The following RHBDD2 variants were observed in gnomAD, a reference collection of about 807,000 sequenced individuals.
RHBDD2 encodes the protein rhomboid domain-containing protein 2.
RHBDD2 carries 13 observed loss-of-function variants against 21.7 expected under a neutral mutation model. The ratio of observed to expected loss-of-function variants is 0.60; its 90% CI spans 0.39 to 0.95. The LOEUF is 0.95. RHBDD2 is among the 40% of genes least tolerant of loss of function. The pLI is 0.00. For missense variants in RHBDD2, 473 were observed against 478.9 expected, an observed-to-expected ratio of 0.99 and a Z score of 0.11; for synonymous variants, 225 against 220.0, an observed-to-expected ratio of 1.02 and a Z score of -0.20.
intron 1 of RHBDD2, 194 bp from the exon 2 acceptor site, chr7:75,881,634 TA>T: frequency 1.0e-6 from 1 of 999,122 alleles, no homozygotes; most frequent in South Asian, 1.7e-5. Context: ...AGGGATTAGA[TA>T]TTCATGCCTC....
intron 1 of RHBDD2, among the ~76,000 whole-genome samples, chr7:75,880,947 G>A (rs1376582566): frequency 6.6e-6 from 1 of 151,962 alleles, no homozygotes; most frequent in Non-Finnish European, 1.5e-5. Flanking sequence ...GGCTGGTCTT[G>A]AACTCCTGGG....
intron 3 of RHBDD2, among the ~76,000 whole-genome samples, chr7:75,884,980 G>A (rs1339777111): frequency 6.6e-6 from 1 of 151,956 alleles, no homozygotes; most frequent in Non-Finnish European, 1.5e-5. Context: ...CAAGCGTGGT[G>A]GTGGTTGCCT....
chr7:75,888,855 C>G lies in RHBDD2; in HGVS notation c.*506C>G, dbSNP rs3735509. On this transcript the variant is annotated 3_prime_UTR_variant, in exon 4 of 4. Transcript: ENST00000006777. ...TCCCCAGAAGCGGTGGGATGGGCCC[C>G]CATGAACTGCAGCAGCATGCTGAGG... The G allele has an allele frequency of 8.2e-4, 135 of 165,096 alleles. No individual in the cohort carries two copies. The East Asian group carries it at 0.017, about 21-fold the overall frequency. 10.2% of individuals were successfully genotyped at this position (165,096 alleles called of 1,614,324 possible). A position where few individuals can be genotyped will look rare whatever the true frequency, so the allele number is the denominator to read the frequency against.
At chr7:75,887,477 C>T (rs1042954707) in intron 3 of RHBDD2, among the ~76,000 whole-genome samples, 3 of 151,796 alleles carry the variant, frequency 2.0e-5, no homozygotes, top group African/African-American at 4.8e-5. Flanking sequence ...GCCACCACAC[C>T]TGGCTAATTT....
Position 75,883,756 on chromosome 7 carries a change from T to G in RHBDD2, c.645T>G (p.Asp215Glu), listed in dbSNP as rs1554543080. ...DLSERVALKL[D>E]QTFPFSLMRR... ...CAGAGCGAGTGGCACTGAAGCTCGA[T>G]CAGACCTTCCCCTTCAGCCTGATGA... The change falls in exon 3 of 4, where the codon GAT becomes GAG. Residue 215 changes from aspartate to glutamate, a missense_variant. Asp to Glu is a conservative substitution (Grantham distance 45). Transcript: ENST00000006777. 1 of 1,613,668 alleles carries G rather than the reference T, an allele frequency of 6.2e-7. No individual in the cohort carries two copies. Among genetic ancestry groups the G allele is most frequent in the Non-Finnish European group, 8.5e-7 (1 of 1,179,676 alleles).
At chr7:75,887,949 C>A in intron 3 of RHBDD2, 43 bp from the exon 4 acceptor site, 1 of 1,548,930 alleles carries the variant, frequency 6.5e-7, no homozygotes, top group Non-Finnish European at 8.9e-7. Flanking sequence ...ATGACCTTGC[C>A]AAGACTCGCT....
intron 1 of RHBDD2, 75 bp downstream of exon 1, chr7:75,879,335 C>T (rs1258579119): frequency 8.0e-5 from 106 of 1,321,872 alleles, no homozygotes; most frequent in Non-Finnish European, 2.6e-5. Context: ...CTCTAGCCTC[C>T]GGGACTCGCC....
Position 75,887,733 on chromosome 7 carries a change from C to T in RHBDD2, c.738-259C>T, listed in dbSNP as rs542984032. Among the ~76,000 whole-genome samples, 167 of 152,146 alleles carry T rather than the reference C, an allele frequency of 1.1e-3. 1 individual carries two copies. The highest frequency in any genetic ancestry group is 3.9e-3 in the African/African-American group (162 of 41,516). ...TTAGAAGCTGCTGTGAGCAGGTCAC[C>T]CCTCCGGTGGTCTCAGTGGCAGGTC... On this transcript the variant is annotated intron_variant, in intron 3 of 3. Coordinates refer to ENST00000006777, the MANE Select transcript of RHBDD2 (RefSeq NM_001040456.3).
In RHBDD2 at chr7:75,887,974, T is replaced by A; in HGVS notation, c.738-18T>A. ...CAAGACTCGCTGAAGGACCATTTTC[T>A]CTCTTGTTCCATTCCAGACTGAACC... On this transcript the variant is annotated intron_variant, in intron 3 of 3. Transcript: ENST00000006777. 1 of 1,594,042 alleles carries A rather than the reference T, an allele frequency of 6.3e-7. No individual in the cohort carries two copies. Among genetic ancestry groups the A allele is most frequent in the Non-Finnish European group, 8.6e-7 (1 of 1,165,086 alleles).
In RHBDD2 at chr7:75,881,837, C is replaced by CTGG. The variant is rs1805340992; in HGVS notation, c.189_191dup (p.Val64dup). ...CCCGACTCCCTCTGCAGTTTACAGG[C>CTGG]TGGTAACCTACATCTTTGTCTACGA... is the stretch of plus-strand genomic sequence containing the variant. On this transcript the variant is annotated inframe_insertion, in exon 2 of 4. Transcript: ENST00000006777. 1 of 1,601,932 alleles carries CTGG rather than the reference C, an allele frequency of 6.2e-7. No homozygotes were observed. Among genetic ancestry groups the CTGG allele is most frequent in the South Asian group, 1.1e-5 (1 of 89,098 alleles).
rs202239956 is a variant in RHBDD2 at position 75,881,981 on chromosome 7, G to C, written c.331G>C (p.Ala111Pro). The change falls in exon 2 of 4, where the codon GCT (alanine) becomes CCT (proline). Residue 111 changes from alanine (A) to proline (P), a missense_variant. Physicochemically the swap from Ala to Pro is conservative, Grantham distance 27 (BLOSUM62 -1). Transcript: ENST00000006777. ...CACCGTGATCTTCGCCATCTTCTCC[G>C]CTATCATCTTCCTGTCATTCGAGGC... ...FFTVIFAIFS[A>P]IIFLSFEAVS... The C allele has an allele frequency of 1.2e-6, 2 of 1,614,216 alleles. No individual in the cohort carries two copies. The highest frequency in any genetic ancestry group is 2.2e-5 in the South Asian group (2 of 91,086).
At chr7:75,885,447 G>A (rs563925002) in intron 3 of RHBDD2, among the ~76,000 whole-genome samples, 26 of 152,158 alleles carry the variant, frequency 1.7e-4, no homozygotes, top group African/African-American at 4.8e-4. Context: ...TGAGTTCTCC[G>A]CTGGTTTCTG....
intron 3 of RHBDD2, among the ~76,000 whole-genome samples, chr7:75,884,504 C>T (rs1421595241): frequency 6.6e-6 from 1 of 152,200 alleles, no homozygotes; most frequent in African/African-American, 2.4e-5. Context: ...AGGTGTGAGC[C>T]ACTGAGCCTG....
rs113612856 is a variant in RHBDD2 at position 75,885,118 on chromosome 7, GAA to G, written c.737+1286_737+1287del. Among the ~76,000 whole-genome samples, 404 of 99,582 alleles carry G rather than the reference GAA, an allele frequency of 4.1e-3. 2 individuals are homozygous for G. Among genetic ancestry groups the G allele is most frequent in the African/African-American group, 0.011 (343 of 29,880 alleles). 65.3% of individuals were successfully genotyped at this position (99,582 alleles called of 152,430 possible). On this transcript the variant is annotated intron_variant, in intron 3 of 3. Transcript: ENST00000006777. ...GACAGAGCAAGACACTGTCTCCCAA[GAA>G]AAAAAAAAAAAAAAAGGTGCAGACA...
At position 75,881,997 on chromosome 7, in the gene RHBDD2, C is replaced by T. The variant is rs1554542654; in HGVS notation, c.347C>T (p.Ser116Leu). 1.9e-6 allele frequency: 3 copies of T among 1,614,238 alleles called. No individual in the cohort carries two copies. The highest frequency in any genetic ancestry group is 2.2e-5 in the East Asian group (1 of 44,886). The change falls in exon 2 of 4, where the codon TCA becomes TTA. Residue 116 changes from serine (S) to leucine (L), a missense_variant. Ser to Leu is a moderately radical substitution (Grantham distance 145, BLOSUM62 -2). Coordinates refer to ENST00000006777, the MANE Select transcript of RHBDD2 (RefSeq NM_001040456.3). ...FAIFSAIIFL[S>L]FEAVSSLSKL... is the part of the protein sequence containing the mutation. ...ATCTTCTCCGCTATCATCTTCCTGT[C>T]ATTCGAGGCTGTGTCATCACTGTCA...
chr7:75,886,968 TG>T (rs1805714453), intron 3 of RHBDD2, among the ~76,000 whole-genome samples: 1 of 152,054 alleles, frequency 6.6e-6, no homozygotes, highest in Admixed American at 6.6e-5. Flanking sequence ...CCACGTGACA[TG>T]GAGTCCAGTC....
In RHBDD2 at chr7:75,888,115, C is replaced by T; in HGVS notation, c.861C>T (p.Thr287=). ...AGCTGGCCTCCTGGCCCTCCTGCAC[C>T]CCCGGGCACATGCCCACCTTGCCTC... ...GQKLASWPSC[T]PGHMPTLPPY... is the part of the protein sequence containing the mutation. The change falls in exon 4 of 4, where the codon ACC becomes ACT. Residue 287 remains threonine (T), a synonymous_variant. Transcript: ENST00000006777. 1 of 1,613,864 alleles carries T rather than the reference C, an allele frequency of 6.2e-7. No homozygotes were observed. The highest frequency in any genetic ancestry group is 1.3e-5 in the African/African-American group (1 of 75,058).
chr7:75,879,110 A>C lies in RHBDD2; in HGVS notation c.28A>C (p.Ser10Arg). The C allele has an allele frequency of 7.2e-7, 1 of 1,379,716 alleles. No individual in the cohort carries two copies. Among genetic ancestry groups the C allele is most frequent in the Non-Finnish European group, 9.5e-7 (1 of 1,058,170 alleles). The allele number at this position is 1,379,716 out of a possible 1,614,324, so 85.5% of individuals were successfully genotyped here. A position where few individuals can be genotyped will look rare whatever the true frequency, so the allele number is the denominator to read the frequency against. MAASGPGCR[S>R]WCLCPEVPSA... is the part of the protein sequence containing the mutation. The stretch of plus-strand genomic sequence containing the variant: ...GGCGGCCTCGGGGCCCGGGTGTCGC[A>C]GCTGGTGCTTGTGTCCCGAGGTGCC... The change falls in exon 1 of 4, where the codon AGC becomes CGC. Residue 10 changes from serine to arginine, a missense_variant. Coordinates refer to ENST00000006777, the MANE Select transcript of RHBDD2 (RefSeq NM_001040456.3).
At chr7:75,887,963 G>A (rs1563381352) in intron 3 of RHBDD2, 29 bp from the exon 4 acceptor site, 6 of 1,582,366 alleles carry the variant, frequency 3.8e-6, no homozygotes, top group Non-Finnish European at 5.2e-6. Context: ...ACTCGCTGAA[G>A]GACCATTTTC....
Sources: gnomAD v4.1 joint callset for allele counts (sites outside exome capture counted in the v4.1 genomes callset) on GRCh38, gnomAD v4.1.1 for gene constraint, MANE v1.5 for transcripts, NCBI Gene and HGNC (gene_info 2026-07-23, HGNC 2026-07-21) for gene names.